The following TRPM3 variants were observed in gnomAD, a reference collection of about 807,000 sequenced individuals.
TRPM3 encodes the protein long transient receptor potential channel 3.
A neutral mutation model predicts 181.2 loss-of-function variants in TRPM3; 77 were observed. The observed-to-expected ratio is 0.42, with a 90% CI of 0.35 to 0.51. The LOEUF is 0.51. Among genes scored for constraint, TRPM3 ranks in the 20% least tolerant of loss-of-function variants. The pLI, the probability that TRPM3 is intolerant of heterozygous loss-of-function variation, is 0.01. For missense variants in TRPM3, 1,759 were observed against 2,196.7 expected (o/e 0.80, Z 3.98); for synonymous variants, 745 against 796.4 (o/e 0.94, Z 1.09).
intron 25 of TRPM3, among the ~76,000 whole-genome samples, chr9:70,546,638 T>C (rs12338410): frequency 0.086 from 12,940 of 149,666 alleles, 774 homozygotes; most frequent in African/African-American, 0.18. Context: ...GCTTCAAGAA[T>C]TGGTTATCTT....
intron 25 of TRPM3, among the ~76,000 whole-genome samples, chr9:70,544,661 C>T (rs897833009): frequency 1.3e-5 from 2 of 151,392 alleles, no homozygotes; most frequent in African/African-American, 2.4e-5. Context: ...CAAACGATGG[C>T]CTAAAATGCA....
chr9:71,416,999 A>G (rs959176961), intron 1 of TRPM3, among the ~76,000 whole-genome samples: 3 of 151,988 alleles, frequency 2.0e-5, no homozygotes, highest in African/African-American at 7.2e-5. Context: ...ACATGTATCA[A>G]TAGTTCATTC....
At chr9:70,661,530 C>T (rs2061135052) in intron 9 of TRPM3, among the ~76,000 whole-genome samples, 1 of 151,988 alleles carries the variant, frequency 6.6e-6, no homozygotes, top group Non-Finnish European at 1.5e-5. Context: ...GATTGTATAG[C>T]TAGAAAACCC....
intron 1 of TRPM3, among the ~76,000 whole-genome samples, chr9:70,967,951 T>G (rs2097202395): frequency 6.6e-6 from 1 of 152,158 alleles, no homozygotes; most frequent in Non-Finnish European, 1.5e-5. Context: ...ATGAGAATTG[T>G]GAGACTGATA....
At chr9:71,081,829 A>G (rs1051811663) in intron 1 of TRPM3, among the ~76,000 whole-genome samples, 1 of 152,166 alleles carries the variant, frequency 6.6e-6, no homozygotes, top group Non-Finnish European at 1.5e-5. Flanking sequence ...AATTCTAATG[A>G]AAGTGTACAA....
chr9:70,645,607 T>A (rs1025616481), intron 9 of TRPM3, among the ~76,000 whole-genome samples: 2 of 151,766 alleles, frequency 1.3e-5, no homozygotes, highest in African/African-American at 4.8e-5. Flanking sequence ...ATAAAAACCC[T>A]AGAAGAAAAC....
rs531216211 is a variant in TRPM3 at position 71,265,509 on chromosome 9, C to T, written c.183+181144G>A. 6.2e-4 allele frequency among the ~76,000 whole-genome samples: 94 copies of T among 152,312 alleles called. No individual in the cohort carries two copies. In the Middle Eastern group the frequency reaches 0.014, roughly 22 times the overall value. ...AATAGCTATTGCTTTTCTGTCCCAT[C>T]TGATTATATACATCAAGTCAACCAA... On this transcript the variant is annotated intron_variant, in intron 1 of 24. Coordinates refer to the TRPM3 transcript ENST00000357533.
chr9:71,366,607 CTG>C (rs1195438938), intron 1 of TRPM3, among the ~76,000 whole-genome samples: 1 of 152,162 alleles, frequency 6.6e-6, no homozygotes, highest in Non-Finnish European at 1.5e-5. Context: ...CAGTTGCTGT[CTG>C]AAAGTATTAT....
In TRPM3 at chr9:71,121,363, C is replaced by T. The variant is rs1386264001; in HGVS notation, c.-9G>A. 6.2e-7 allele frequency: 1 copy of T among 1,612,860 alleles called. No homozygotes were observed. Among genetic ancestry groups the T allele is most frequent in the East Asian group, 2.2e-5 (1 of 44,772 alleles). On this transcript the variant is annotated 5_prime_UTR_variant, in exon 1 of 26. An upstream start codon of the reference 5' UTR is lost. Coordinates refer to ENST00000677713, the MANE Select transcript of TRPM3 (RefSeq NM_001366145.2). Reference sequence around the variant, plus strand: ...CCCCACGGCTCTGGCATCCCATGGTCATCTCCACACCTGCAAATTCCATTA... The same window carrying T: ...CCCCACGGCTCTGGCATCCCATGGTTATCTCCACACCTGCAAATTCCATTA...
chr9:71,407,968 G>A (rs1020163746), intron 1 of TRPM3, among the ~76,000 whole-genome samples: 2 of 152,240 alleles, frequency 1.3e-5, no homozygotes, highest in African/African-American at 4.8e-5. Context: ...AGGGCCCGGA[G>A]TGGACCTCCA....
intron 1 of TRPM3, among the ~76,000 whole-genome samples, chr9:70,921,565 T>C (rs1182402543): frequency 6.6e-6 from 1 of 152,208 alleles, no homozygotes; most frequent in African/African-American, 2.4e-5. Flanking sequence ...GAAGAGGTTG[T>C]TACTCCCTTA....
intron 5 of TRPM3, among the ~76,000 whole-genome samples, chr9:70,828,715 T>TTTTTTTTTTTTG (rs758707614): frequency 7.0e-6 from 1 of 143,222 alleles, no homozygotes; most frequent in Non-Finnish European, 1.5e-5. Flanking sequence ...TTTTTTTTTT[T>TTTTTTTTTTTTG]TATAAAAAGA....
At chr9:71,324,684 C>G (rs1302654934) in intron 1 of TRPM3, among the ~76,000 whole-genome samples, 1 of 152,088 alleles carries the variant, frequency 6.6e-6, no homozygotes, top group Non-Finnish European at 1.5e-5. Context: ...TATAGCAATA[C>G]TCTTCACAAT....
intron 1 of TRPM3, among the ~76,000 whole-genome samples, chr9:71,399,567 G>T: frequency 7.6e-6 from 1 of 132,038 alleles, no homozygotes. Flanking sequence ...CTCACTCTGT[G>T]GCCCAGGATG....
At chr9:70,903,944 T>G (rs572932689) in intron 1 of TRPM3, among the ~76,000 whole-genome samples, 3 of 151,600 alleles carry the variant, frequency 2.0e-5, no homozygotes, top group Non-Finnish European at 4.4e-5. Context: ...CTGATTTTTT[T>G]AAAATAAAAA....
intron 25 of TRPM3, among the ~76,000 whole-genome samples, chr9:70,545,114 TA>T (rs1234472188): frequency 6.6e-6 from 1 of 152,338 alleles, no homozygotes; most frequent in East Asian, 1.9e-4. Context: ...AGGAGTTAAG[TA>T]AATTGCTCAA....
intron 1 of TRPM3, among the ~76,000 whole-genome samples, chr9:71,398,062 G>T (rs1031065461): frequency 7.2e-5 from 11 of 152,314 alleles, no homozygotes; most frequent in Non-Finnish European, 1.6e-4. Flanking sequence ...TGTATCAGAT[G>T]TTCACATCAG....
At chr9:71,109,631 C>T (rs1159422904) in intron 1 of TRPM3, among the ~76,000 whole-genome samples, 1 of 152,060 alleles carries the variant, frequency 6.6e-6, no homozygotes, top group Non-Finnish European at 1.5e-5. Flanking sequence ...CCGTTTCATT[C>T]TTTTTGTAGT....
intron 1 of TRPM3, among the ~76,000 whole-genome samples, chr9:71,171,952 G>A (rs779220589): frequency 2.6e-5 from 4 of 152,084 alleles, no homozygotes; most frequent in East Asian, 3.9e-4. Context: ...AGGCTAGAGT[G>A]CAGTGGCGTG....
Sources: gnomAD v4.1 joint callset for allele counts (sites outside exome capture counted in the v4.1 genomes callset) on GRCh38, gnomAD v4.1.1 for gene constraint, MANE v1.5 for transcripts, NCBI Gene and HGNC (gene_info 2026-07-23, HGNC 2026-07-21) for gene names.